TLE2: variants seen among roughly 807,000 people sequenced by gnomAD.
TLE2 encodes transducin-like enhancer protein 2.
In TLE2, 74 loss-of-function variants were observed where a neutral mutation model predicts 97.2. That is an observed-to-expected ratio of 0.76 (90% CI 0.63 to 0.92). TLE2 has a LOEUF of 0.92. Ranked by LOEUF, TLE2 falls within the 40% of genes least tolerant of loss-of-function variation. The pLI is 0.00. For synonymous variants in TLE2, 499 were observed against 432.1 expected, an observed-to-expected ratio of 1.15 and a Z score of -1.92; for missense variants, 1,038 against 1,008.7, an observed-to-expected ratio of 1.03 and a Z score of -0.39.
At chr19:3,034,525 G>A (rs1317765530) in intron 1 of TLE2, among the ~76,000 whole-genome samples, 5 of 150,934 alleles carry the variant, frequency 3.3e-5, no homozygotes, top group African/African-American at 1.2e-4. Flanking sequence ...CCACCTCTGA[G>A]CCTTTCCCTG....
chr19:3,043,689 A>G (rs1211265625), intron 1 of TLE2, among the ~76,000 whole-genome samples: 1 of 151,924 alleles, frequency 6.6e-6, no homozygotes, highest in East Asian at 1.9e-4. Context: ...GGGCGCCTGT[A>G]GTCCCAGCTA....
intron 1 of TLE2, among the ~76,000 whole-genome samples, chr19:3,038,667 G>A (rs1365543543): frequency 1.3e-5 from 2 of 152,236 alleles, no homozygotes; most frequent in East Asian, 3.8e-4. Flanking sequence ...CAGCACTTTG[G>A]GAGGCCAAGA....
At chr19:3,006,277 G>T in intron 15 of TLE2, 143 bp downstream of exon 15, 1 of 1,346,720 alleles carries the variant, frequency 7.4e-7, no homozygotes, top group Non-Finnish European at 1.0e-6. Flanking sequence ...TGTCCCATGC[G>T]ACTACGAGCT....
At chr19:3,025,243 G>A (rs2089922315) in intron 4 of TLE2, 161 bp from the exon 5 acceptor site, 1 of 1,076,458 alleles carries the variant, frequency 9.3e-7, no homozygotes, top group East Asian at 2.9e-5. Flanking sequence ...GGGCCGAGGT[G>A]GGATTCAGAG....
In TLE2 at chr19:3,006,405, C is replaced by T. The variant is rs1449233402; in HGVS notation, c.1500+15G>A. On this transcript the variant is annotated intron_variant, in intron 15 of 19. Transcript: ENST00000262953. ...TCACCTGTGAGTCCCGCCCACTGTC[C>T]CACCCCGCCCTCACCAGGCAGTCGA... The T allele has an allele frequency of 6.2e-7, 1 of 1,607,036 alleles. No homozygotes were observed. The highest frequency in any genetic ancestry group is 1.3e-5 in the African/African-American group (1 of 74,810).
intron 5 of TLE2, among the ~76,000 whole-genome samples, chr19:3,022,547 T>C (rs2089865638): frequency 6.6e-6 from 1 of 151,978 alleles, no homozygotes; most frequent in African/African-American, 2.4e-5. Context: ...AAAAAATTTT[T>C]TTAAGGAAAA....
At chr19:3,005,338 T>C (rs996133640) in intron 17 of TLE2, 99 bp downstream of exon 17, 1 of 1,468,566 alleles carries the variant, frequency 6.8e-7, no homozygotes, top group Non-Finnish European at 9.1e-7. Flanking sequence ...ATGGGAGTCC[T>C]GTCCTGTCCT....
intron 11 of TLE2, among the ~76,000 whole-genome samples, chr19:3,012,074 G>C (rs1038207312): frequency 1.3e-5 from 2 of 151,698 alleles, no homozygotes; most frequent in Non-Finnish European, 2.9e-5. Flanking sequence ...GTGAAACCTC[G>C]TCTCTACTAA....
chr19:3,022,114 T>C lies in TLE2; in HGVS notation c.295-2341A>G, dbSNP rs1421682824. On this transcript the variant is annotated intron_variant, in intron 5 of 19. Transcript: ENST00000262953. ...CACAGGCTGGAATGCAGTGGCGTGATCTCGGTTCACGCTAACCTCCGCCTC... is the reference window on the plus strand; with the variant it reads ...CACAGGCTGGAATGCAGTGGCGTGACCTCGGTTCACGCTAACCTCCGCCTC... 5.3e-5 allele frequency among the ~76,000 whole-genome samples: 8 copies of C among 151,636 alleles called. No homozygotes were observed. In the East Asian group the frequency reaches 1.6e-3, roughly 30 times the overall value.
intron 11 of TLE2, among the ~76,000 whole-genome samples, chr19:3,012,520 G>A (rs2089618424): frequency 6.6e-6 from 1 of 152,206 alleles, no homozygotes; most frequent in Non-Finnish European, 1.5e-5. Flanking sequence ...CCCAGCCACT[G>A]TTGAGATTCT....
chr19:3,038,270 C>T (rs184512364), intron 1 of TLE2, among the ~76,000 whole-genome samples: 3 of 152,288 alleles, frequency 2.0e-5, no homozygotes, highest in Admixed American at 1.3e-4. Flanking sequence ...TGCAGTGCCA[C>T]CGTCATAGCT....
At chr19:3,021,514 T>C (rs1046947976) in intron 5 of TLE2, among the ~76,000 whole-genome samples, 7 of 152,208 alleles carry the variant, frequency 4.6e-5, no homozygotes, top group East Asian at 1.9e-4. Context: ...AACTGATGAA[T>C]AGAATGATTA....
At chr19:2,999,106 T>C (rs1403854004) in intron 19 of TLE2, among the ~76,000 whole-genome samples, 1 of 151,612 alleles carries the variant, frequency 6.6e-6, no homozygotes, top group Non-Finnish European at 1.5e-5. Context: ...ACGTGGGGAA[T>C]CCCCGTCTCT....
upstream of TLE2, among the ~76,000 whole-genome samples, chr19:3,034,065 G>A (rs2090045592): frequency 6.6e-6 from 1 of 151,888 alleles, no homozygotes; most frequent in Non-Finnish European, 1.5e-5. Flanking sequence ...CACCAACTGG[G>A]CATCTCCCCT....
At chr19:3,041,707 C>T (rs894824007) in intron 1 of TLE2, among the ~76,000 whole-genome samples, 2 of 152,226 alleles carry the variant, frequency 1.3e-5, no homozygotes, top group African/African-American at 4.8e-5. Flanking sequence ...AGAGGCGCTC[C>T]GTCTGGGTCC....
intron 18 of TLE2, among the ~76,000 whole-genome samples, chr19:3,001,011 A>T (rs2089346359): frequency 6.6e-6 from 1 of 151,774 alleles, no homozygotes; most frequent in Non-Finnish European, 1.5e-5. Context: ...GCAGTGGCTA[A>T]CACCCGTAAT....
intron 11 of TLE2, 56 bp from the exon 12 acceptor site, chr19:3,011,216 A>G (rs781224823): frequency 8.2e-5 from 123 of 1,509,180 alleles, no homozygotes; most frequent in Non-Finnish European, 9.5e-5. Flanking sequence ...TTGTGGCCCA[A>G]CGATCTGATC....
At chr19:3,018,915 G>A (rs1424577620) in intron 7 of TLE2, among the ~76,000 whole-genome samples, 1 of 151,886 alleles carries the variant, frequency 6.6e-6, no homozygotes, top group Non-Finnish European at 1.5e-5. Context: ...ACCATGCCCA[G>A]CCTGTGCTTG....
In TLE2 at chr19:3,015,768, G is replaced by C. The variant is rs780013316; in HGVS notation, c.571-8C>G. On this transcript the variant is annotated splice_region_variant and splice_polypyrimidine_tract_variant and intron_variant, in intron 8 of 19. Coordinates refer to ENST00000262953, the MANE Select transcript of TLE2 (RefSeq NM_003260.5). ...GGGCGAGGGAGATGCACTCTGCGGA[G>C]AGACAAAGGCCGGGGGGAGAAAGGG... 3.8e-6 allele frequency: 6 copies of C among 1,596,980 alleles called. No individual in the cohort carries two copies. Among genetic ancestry groups the C allele is most frequent in the Non-Finnish European group, 5.1e-6 (6 of 1,171,854 alleles).
Sources: gnomAD v4.1 joint callset for allele counts (sites outside exome capture counted in the v4.1 genomes callset) on GRCh38, gnomAD v4.1.1 for gene constraint, MANE v1.5 for transcripts, NCBI Gene and HGNC (gene_info 2026-07-23, HGNC 2026-07-21) for gene names.